CCDC92: variants seen among roughly 807,000 people sequenced by gnomAD.
The protein encoded by CCDC92 is coiled-coil domain-containing protein 92.
In CCDC92, 12 loss-of-function variants were observed where a neutral mutation model predicts 24.9. The observed-to-expected ratio is 0.48, with a 90% CI of 0.31 to 0.78. The LOEUF is 0.78. Ranked by LOEUF, CCDC92 falls within the 30% of genes least tolerant of loss-of-function variation. CCDC92 has a pLI of 0.05. For synonymous variants in CCDC92, 193 were observed against 196.3 expected (o/e 0.98, Z 0.14); for missense variants, 399 against 439.4 (o/e 0.91, Z 0.82).
Position 123,935,687 on chromosome 12 carries a change from A to G in CCDC92, c.*1371T>C. 1 of 480,292 alleles carries G rather than the reference A, an allele frequency of 2.1e-6. No homozygotes were observed. The highest frequency in any genetic ancestry group is 3.6e-6 in the Non-Finnish European group (1 of 281,252). The allele number at this position is 480,292 out of a possible 1,614,324, so 29.8% of individuals were successfully genotyped here. A position where few individuals can be genotyped will look rare whatever the true frequency, so the allele number is the denominator to read the frequency against. On this transcript the variant is annotated 3_prime_UTR_variant, in exon 5 of 5. Transcript: ENST00000238156. ...ATACTACTTTTTAAAAGGAATTTAT[A>G]TAATCAAAAAGTAAATATTGGAGAG...
intron 3 of CCDC92, 77 bp from the exon 4 acceptor site, chr12:123,942,862 G>A (rs989875447): frequency 7.0e-6 from 8 of 1,146,750 alleles, no homozygotes; most frequent in Middle Eastern, 1.9e-4. Context: ...ATGCAAAACC[G>A]ATTCCCACGA....
At chr12:123,951,872 A>T (rs1956034437) in intron 1 of CCDC92, among the ~76,000 whole-genome samples, 1 of 152,244 alleles carries the variant, frequency 6.6e-6, no homozygotes, top group Admixed American at 6.5e-5. Context: ...AAGTAGATTC[A>T]TGGAGTCAGA....
At chr12:123,941,568 G>T (rs1432406658) in intron 4 of CCDC92, among the ~76,000 whole-genome samples, 1 of 152,180 alleles carries the variant, frequency 6.6e-6, no homozygotes, top group Non-Finnish European at 1.5e-5. Flanking sequence ...GGCATTGTGG[G>T]GAATGGAGAA....
At chr12:123,963,008 G>C (rs1251307803) in intron 1 of CCDC92, among the ~76,000 whole-genome samples, 5 of 152,124 alleles carry the variant, frequency 3.3e-5, no homozygotes, top group Non-Finnish European at 7.4e-5. Context: ...TTCTCAGCTG[G>C]GACAGCTGTG....
chr12:123,937,354 G>C lies in CCDC92; in HGVS notation c.700C>G (p.Arg234Gly). 6 of 1,613,964 alleles carry C rather than the reference G, an allele frequency of 3.7e-6. No homozygotes were observed. Among genetic ancestry groups the C allele is most frequent in the Non-Finnish European group, 5.1e-6 (6 of 1,180,028 alleles). The change falls in exon 5 of 5, where the codon CGG (arginine) becomes GGG (glycine). Residue 234 changes from arginine to glycine, a missense_variant. Physicochemically the swap from Arg to Gly is moderately radical, Grantham distance 125. Transcript: ENST00000238156. This position sits in a 1 kb window ranked among gnomAD's most constrained non-coding sequence, Gnocchi z 8.4. The stretch of plus-strand genomic sequence containing the variant: ...TCGGGCATAGCATCCACTGGTTCCC[G>C]CAAAAGGAGTTTCCTGCTCTCTGCC... The part of the protein sequence containing the change: ...FGAESRKLLL[R>G]EPVDAMPDPT...
rs546759411 is a variant in CCDC92, at chr12:123,955,399, T to C, written c.-59-11035A>G. ...AGATACAGTGATCCCAAATGCCAAA[T>C]CATCATTCATCCTAATGAAATAGGA... is the stretch of plus-strand genomic sequence containing the variant. On this transcript the variant is annotated intron_variant, in intron 1 of 4. Transcript: ENST00000238156. 1.2e-4 allele frequency among the ~76,000 whole-genome samples: 19 copies of C among 152,292 alleles called. No homozygotes were observed. The South Asian group carries it at 3.5e-3, about 28-fold the overall frequency.
intron 1 of CCDC92, among the ~76,000 whole-genome samples, chr12:123,970,711 T>C (rs1326855885): frequency 6.6e-6 from 1 of 152,358 alleles, no homozygotes; most frequent in East Asian, 1.9e-4. Context: ...TAATCTTAGT[T>C]ACCAAATGTG....
At chr12:123,959,954 T>C (rs140203778) in intron 1 of CCDC92, among the ~76,000 whole-genome samples, 1 of 152,358 alleles carries the variant, frequency 6.6e-6, no homozygotes, top group East Asian at 1.9e-4. Flanking sequence ...TAAACTGTCA[T>C]GGGACCTGCC....
At chr12:123,958,633 G>A (rs996060030) in intron 1 of CCDC92, among the ~76,000 whole-genome samples, 3 of 152,184 alleles carry the variant, frequency 2.0e-5, no homozygotes, top group Non-Finnish European at 4.4e-5. Flanking sequence ...AAGTGTGGCC[G>A]CTTGAGTGCA....
At chr12:123,957,935 G>A (rs1956189316) in intron 1 of CCDC92, among the ~76,000 whole-genome samples, 1 of 151,982 alleles carries the variant, frequency 6.6e-6, no homozygotes, top group Admixed American at 6.6e-5. Context: ...CTGACCTCAA[G>A]TGATCTGCCC....
chr12:123,963,968 T>C (rs1309937323), intron 1 of CCDC92, among the ~76,000 whole-genome samples: 1 of 152,240 alleles, frequency 6.6e-6, no homozygotes, highest in East Asian at 1.9e-4. Flanking sequence ...CCTAATATTT[T>C]ATATATACTA....
intron 1 of CCDC92, among the ~76,000 whole-genome samples, chr12:123,966,870 G>T (rs1035910588): frequency 2.6e-5 from 4 of 152,014 alleles, no homozygotes; most frequent in African/African-American, 9.7e-5. Context: ...GTTCCATCCT[G>T]CAAAAAGGGA....
At chr12:123,947,196 G>A (rs984133402) in intron 1 of CCDC92, among the ~76,000 whole-genome samples, 13 of 152,166 alleles carry the variant, frequency 8.5e-5, no homozygotes, top group Admixed American at 7.9e-4. Flanking sequence ...CTGCCTTCCC[G>A]CAGGGCAGGG....
At chr12:123,947,279 C>T (rs562611533) in intron 1 of CCDC92, among the ~76,000 whole-genome samples, 339 of 152,268 alleles carry the variant, frequency 2.2e-3, no homozygotes, top group South Asian at 0.014. Context: ...CGAGCCTCCC[C>T]GACCAGTGCC....
intron 1 of CCDC92, among the ~76,000 whole-genome samples, chr12:123,946,950 G>A (rs1955886881): frequency 6.6e-6 from 1 of 152,138 alleles, no homozygotes; most frequent in Admixed American, 6.5e-5. Context: ...TGGAGGGAGA[G>A]GCGCAAGCAG....
intron 1 of CCDC92, among the ~76,000 whole-genome samples, chr12:123,954,789 T>C (rs961866958): frequency 1.3e-5 from 2 of 152,066 alleles, no homozygotes; most frequent in Admixed American, 1.3e-4. Flanking sequence ...CTTCTGGGAG[T>C]GTCCTGGGCC....
rs1214688876 is a variant in CCDC92, at chr12:123,937,032, C to T, written c.*26G>A. 2 of 1,612,216 alleles carry T rather than the reference C, an allele frequency of 1.2e-6. No homozygotes were observed. Among genetic ancestry groups the T allele is most frequent in the Non-Finnish European group, 1.7e-6 (2 of 1,179,492 alleles). On this transcript the variant is annotated 3_prime_UTR_variant, in exon 5 of 5. Coordinates refer to ENST00000238156, the MANE Select transcript of CCDC92 (RefSeq NM_025140.3). The surrounding 1 kb of genome is among the most constrained non-coding windows in gnomAD (Gnocchi z 8.4). The stretch of plus-strand genomic sequence containing the variant: ...CCCAGTGGTGCTCACAGTGCATGGA[C>T]AGCGCGGGGTGGGGCACGGCGGGCT...
chr12:123,954,728 A>T (rs1322839359), intron 1 of CCDC92, among the ~76,000 whole-genome samples: 1 of 152,220 alleles, frequency 6.6e-6, no homozygotes, highest in African/African-American at 2.4e-5. Flanking sequence ...TGGCCTGTGC[A>T]GGCCAAGATA....
chr12:123,947,630 C>G (rs1029244113), intron 1 of CCDC92, among the ~76,000 whole-genome samples: 1 of 152,140 alleles, frequency 6.6e-6, no homozygotes, highest in Non-Finnish European at 1.5e-5. Flanking sequence ...TACTCTGTAT[C>G]TAACTAATCT....
Sources: gnomAD v4.1 joint callset for allele counts (sites outside exome capture counted in the v4.1 genomes callset) on GRCh38, gnomAD v4.1.1 for gene constraint, Gnocchi (gnomAD v3.1) non-coding constraint, MANE v1.5 for transcripts, NCBI Gene and HGNC (gene_info 2026-07-23, HGNC 2026-07-21) for gene names.